SYNPO2: variants seen among roughly 807,000 people sequenced by gnomAD.
SYNPO2 encodes the protein synaptopodin-2.
In SYNPO2, 56 loss-of-function variants were observed where a neutral mutation model predicts 85.0. The ratio of observed to expected loss-of-function variants is 0.66; its 90% CI spans 0.53 to 0.82. The LOEUF (loss-of-function observed/expected upper bound fraction) is 0.82. SYNPO2 is among the 40% of genes least tolerant of loss of function. The pLI is 0.00. For missense variants in SYNPO2, 1,575 were observed against 1,534.2 expected (o/e 1.03, Z -0.44); for synonymous variants, 602 against 591.1 (o/e 1.02, Z -0.27).
At chr4:118,883,722 T>G (rs1334881518) in intron 1 of SYNPO2, among the ~76,000 whole-genome samples, 2 of 151,924 alleles carry the variant, frequency 1.3e-5, no homozygotes, top group Admixed American at 1.3e-4. Context: ...TCTTTTTTTT[T>G]TCTCTTGCTT....
intron 1 of SYNPO2, among the ~76,000 whole-genome samples, chr4:118,879,086 C>A (rs1293437653): frequency 6.6e-6 from 1 of 152,140 alleles, no homozygotes; most frequent in African/African-American, 2.4e-5. Flanking sequence ...TTAAGGTGTG[C>A]CACTTCACTC....
chr4:119,007,408 CAAACAAAAAAA>C (rs1226091561), intron 1 of SYNPO2, among the ~76,000 whole-genome samples: 3 of 145,278 alleles, frequency 2.1e-5, no homozygotes, highest in African/African-American at 7.7e-5. Flanking sequence ...AAACAAAAAA[CAAACAAAAAAA>C]AAACATAAAA....
chr4:119,053,135 A>G (rs967635824), intron 4 of SYNPO2, among the ~76,000 whole-genome samples: 5 of 152,190 alleles, frequency 3.3e-5, no homozygotes, highest in African/African-American at 7.2e-5. Flanking sequence ...GGCTCAGGGT[A>G]TATCACATGG....
intron 1 of SYNPO2, among the ~76,000 whole-genome samples, chr4:118,900,749 A>G (rs535962613): frequency 7.4e-5 from 9 of 122,412 alleles, no homozygotes; most frequent in Non-Finnish European, 1.0e-4. Flanking sequence ...CTGTCTATCT[A>G]TCTATCTATC....
intron 1 of SYNPO2, among the ~76,000 whole-genome samples, chr4:119,002,422 G>A (rs1260851964): frequency 6.6e-6 from 1 of 152,046 alleles, no homozygotes; most frequent in Non-Finnish European, 1.5e-5. Context: ...CACCACGCCT[G>A]GCTAATTTTT....
At chr4:118,951,944 G>A (rs4834730) in intron 1 of SYNPO2, among the ~76,000 whole-genome samples, 130,693 of 152,178 alleles carry the variant, frequency 0.86, 56,316 homozygotes, top group Middle Eastern at 0.93. Flanking sequence ...CAAAGGAGAG[G>A]GCCCACTCTT....
upstream of SYNPO2, among the ~76,000 whole-genome samples, chr4:118,887,091 C>T (rs577374863): frequency 4.6e-4 from 70 of 152,116 alleles, no homozygotes; most frequent in African/African-American, 1.7e-3. Flanking sequence ...TCTCCAGGTC[C>T]TCTGGTTTCC....
rs749501960 is a variant in SYNPO2 at position 119,030,204 on chromosome 4, A to G, written c.1429A>G (p.Arg477Gly). The change falls in exon 4 of 5, where the codon AGA becomes GGA. Residue 477 changes from arginine (R) to glycine (G), a missense_variant. By Grantham distance (125) the Arg-to-Gly change is moderately radical. Transcript: ENST00000307142. ...GLVDIEKKLN[R>G]GDKMEMLPDT... Reference sequence around the variant, plus strand: ...GGTGGACATTGAAAAGAAACTGAACAGAGGGGACAAGATGGAGATGTTACC... The same window carrying G: ...GGTGGACATTGAAAAGAAACTGAACGGAGGGGACAAGATGGAGATGTTACC... 1.9e-6 allele frequency: 3 copies of G among 1,614,126 alleles called. No individual in the cohort carries two copies. Among genetic ancestry groups the G allele is most frequent in the Non-Finnish European group, 1.7e-6 (2 of 1,180,012 alleles).
intron 1 of SYNPO2, among the ~76,000 whole-genome samples, chr4:118,879,543 A>G (rs948566789): frequency 6.6e-6 from 1 of 152,214 alleles, no homozygotes; most frequent in Non-Finnish European, 1.5e-5. Flanking sequence ...CAAACCAGGA[A>G]GAGGGCACTC....
intron 4 of SYNPO2, 197 bp downstream of exon 4, chr4:119,032,224 A>G (rs1738305355): frequency 2.8e-6 from 4 of 1,432,468 alleles, no homozygotes; most frequent in Non-Finnish European, 3.6e-6. Flanking sequence ...CAAAAATCCA[A>G]CTCAGATTGA....
chr4:118,927,471 G>T (rs762698379), intron 1 of SYNPO2, among the ~76,000 whole-genome samples: 54 of 152,006 alleles, frequency 3.6e-4, no homozygotes, highest in Admixed American at 2.1e-3. Context: ...TATACAACTG[G>T]GTGGTATCTG....
intron 1 of SYNPO2, among the ~76,000 whole-genome samples, chr4:118,878,802 C>T (rs1395250090): frequency 6.6e-6 from 1 of 152,226 alleles, no homozygotes; most frequent in Admixed American, 6.5e-5. Context: ...ATCAGCAGGA[C>T]ATGGGTGGGG....
intron 1 of SYNPO2, among the ~76,000 whole-genome samples, chr4:118,901,393 A>G (rs535259058): frequency 2.0e-4 from 30 of 152,344 alleles, no homozygotes; most frequent in South Asian, 4.1e-4. Flanking sequence ...CCTCTGTCAC[A>G]TATTCCAAAT....
At chr4:118,887,370 A>G (rs1732221615), upstream of SYNPO2, among the ~76,000 whole-genome samples, 1 of 152,190 alleles carries the variant, frequency 6.6e-6, no homozygotes, top group Non-Finnish European at 1.5e-5. Context: ...CATAAAATAT[A>G]TGTTAATCAC....
intron 1 of SYNPO2, among the ~76,000 whole-genome samples, chr4:118,880,192 C>G (rs1300951802): frequency 2.0e-5 from 3 of 152,140 alleles, no homozygotes; most frequent in African/African-American, 7.2e-5. Context: ...GAAGGACCAA[C>G]AAAACAATCA....
chr4:118,926,045 A>G (rs548904051), intron 1 of SYNPO2, among the ~76,000 whole-genome samples: 161 of 152,324 alleles, frequency 1.1e-3, no homozygotes, highest in South Asian at 4.4e-3. Flanking sequence ...TCCACCAGGC[A>G]GATGAGTAGG....
At chr4:119,009,158 G>A (rs1165543462) in intron 1 of SYNPO2, among the ~76,000 whole-genome samples, 1 of 152,062 alleles carries the variant, frequency 6.6e-6, no homozygotes, top group Non-Finnish European at 1.5e-5. Flanking sequence ...AAAGATTTTT[G>A]TATGCTTGCA....
chr4:118,869,291 C>A (rs1247611942), intron 1 of SYNPO2, among the ~76,000 whole-genome samples: 1 of 152,106 alleles, frequency 6.6e-6, no homozygotes, highest in Non-Finnish European at 1.5e-5. Context: ...CTCTTCACCT[C>A]AGGTGATCCT....
At chr4:118,880,155 C>T (rs966309799) in intron 1 of SYNPO2, among the ~76,000 whole-genome samples, 5 of 152,132 alleles carry the variant, frequency 3.3e-5, no homozygotes, top group African/African-American at 9.7e-5. Flanking sequence ...TGGCTACTTG[C>T]TCGGAATAAG....
Sources: gnomAD v4.1 joint callset for allele counts (sites outside exome capture counted in the v4.1 genomes callset) on GRCh38, gnomAD v4.1.1 for gene constraint, MANE v1.5 for transcripts, NCBI Gene and HGNC (gene_info 2026-07-23, HGNC 2026-07-21) for gene names.